The following INSL6 variants were observed in gnomAD, a reference collection of about 807,000 sequenced individuals.
The protein encoded by INSL6 is insulin like 6.
In INSL6, 16 loss-of-function variants were observed where a neutral mutation model predicts 9.4. The ratio of observed to expected loss-of-function variants is 1.70; its 90% confidence interval spans 1.15 to 2.59. The LOEUF (loss-of-function observed/expected upper bound fraction) is 2.59, where lower values mean the gene tolerates loss of function less well. Ranked by LOEUF, INSL6 falls within the 30% of genes most tolerant of loss-of-function variation. The probability of loss-of-function intolerance (pLI) is 0.00; values close to 1 mark genes in which losing one functional copy is unlikely to be tolerated. For missense variants in INSL6, 391 were observed against 257.3 expected, an observed-to-expected ratio of 1.52 and a Z score of -3.56; for synonymous variants, 154 against 96.9, an observed-to-expected ratio of 1.59 and a Z score of -3.46.
chr9:5,041,967 T>C, the INSL6 span: 1 of 373,042 alleles, frequency 2.7e-6, no homozygotes, highest in East Asian at 7.0e-5. Context: ...GTGCGGCCCC[T>C]TGGGGAGCGA....
chr9:5,011,377 A>T, the INSL6 span, among the ~76,000 whole-genome samples: 4 of 151,952 alleles, frequency 2.6e-5, no homozygotes, highest in Non-Finnish European at 5.9e-5. Context: ...TTTTGTAGAG[A>T]TGGGGTCTTG....
At chr9:5,075,892 A>T in the INSL6 span, among the ~76,000 whole-genome samples, 1 of 152,222 alleles carries the variant, frequency 6.6e-6, no homozygotes, top group Non-Finnish European at 1.5e-5. Context: ...TCTAGATGCC[A>T]GGAATAGCAT....
chr9:4,994,730 G>A, the INSL6 span, among the ~76,000 whole-genome samples: 4 of 152,216 alleles, frequency 2.6e-5, no homozygotes, highest in Middle Eastern at 6.8e-3. Context: ...TGTGTGAACT[G>A]TGCTCTGCCA....
chr9:5,035,586 A>T, the INSL6 span, among the ~76,000 whole-genome samples: 38,088 of 152,190 alleles, frequency 0.25, 5,039 homozygotes, highest in South Asian at 0.31. Context: ...AACATATGCA[A>T]ATCAATAAAC....
At chr9:5,108,277 T>A in the INSL6 span, 1 of 152,136 alleles carries the variant, frequency 6.6e-6, no homozygotes, top group East Asian at 1.9e-4. Flanking sequence ...ATATTTTATA[T>A]TTTCTTTGAA....
chr9:5,048,409 G>T, the INSL6 span, among the ~76,000 whole-genome samples: 5 of 152,100 alleles, frequency 3.3e-5, no homozygotes, highest in Admixed American at 3.3e-4. Context: ...CTAAAGTGCT[G>T]GGATTACAGG....
At chr9:5,068,549 A>G in the INSL6 span, among the ~76,000 whole-genome samples, 1 of 152,210 alleles carries the variant, frequency 6.6e-6, no homozygotes, top group Non-Finnish European at 1.5e-5. Context: ...ATTCTTAGGT[A>G]GAAAGATAGC....
At chr9:5,133,297 A>G (rs1019463041) in intron 3 of INSL6, 2 of 152,120 alleles carry the variant, frequency 1.3e-5, no homozygotes, top group African/African-American at 2.4e-5. Context: ...TCAAACCAGC[A>G]CTACCTCAGA....
chr9:5,152,644 T>A (rs1824733302), intron 2 of INSL6, among the ~76,000 whole-genome samples: 1 of 152,098 alleles, frequency 6.6e-6, no homozygotes, highest in Non-Finnish European at 1.5e-5. Flanking sequence ...ATTAACTTGA[T>A]AATCAGGAGG....
At chr9:5,120,978 G>T (rs1004760595), downstream of INSL6, among the ~76,000 whole-genome samples, 8 of 152,172 alleles carry the variant, frequency 5.3e-5, no homozygotes, top group African/African-American at 1.9e-4. Flanking sequence ...AAAGGTCAAA[G>T]ATATGGTTAT....
chr9:5,113,306 T>G, the INSL6 span, among the ~76,000 whole-genome samples: 11 of 142,290 alleles, frequency 7.7e-5, no homozygotes, highest in South Asian at 2.5e-3. Context: ...TGTGGAGAAA[T>G]CGTAACATAT....
the INSL6 span, among the ~76,000 whole-genome samples, chr9:5,003,852 G>T: frequency 1.0e-5 from 1 of 96,716 alleles, no homozygotes; most frequent in East Asian, 2.9e-4. Flanking sequence ...CCCTTTATCA[G>T]AGTGAGGAAG....
the INSL6 span, among the ~76,000 whole-genome samples, chr9:5,078,953 A>G: frequency 6.6e-6 from 1 of 152,212 alleles, no homozygotes; most frequent in African/African-American, 2.4e-5. Flanking sequence ...TCAGTCAGAT[A>G]GTTGAGAGGG....
intron 1 of INSL6, among the ~76,000 whole-genome samples, chr9:5,170,461 A>T (rs1825154735): frequency 1.3e-5 from 2 of 152,086 alleles, no homozygotes; most frequent in South Asian, 4.2e-4. Flanking sequence ...GAGCAAACAA[A>T]CCCCAAAACT....
the INSL6 span, among the ~76,000 whole-genome samples, chr9:5,017,817 T>C: frequency 6.6e-6 from 1 of 152,226 alleles, no homozygotes; most frequent in Non-Finnish European, 1.5e-5. Context: ...TGTTGTTGTT[T>C]TGATACATTA....
At chr9:5,093,340 C>T in the INSL6 span, among the ~76,000 whole-genome samples, 1 of 152,150 alleles carries the variant, frequency 6.6e-6, no homozygotes, top group Non-Finnish European at 1.5e-5. Context: ...TGCCCAGTGA[C>T]ATATGTTCAA....
chr9:5,146,843 G>A (rs1176461371), intron 2 of INSL6, among the ~76,000 whole-genome samples: 1 of 152,166 alleles, frequency 6.6e-6, no homozygotes, highest in African/African-American at 2.4e-5. Flanking sequence ...CCTCATTGGA[G>A]CTTTCCACCA....
At chr9:5,133,270 G>A (rs1824325717) in intron 3 of INSL6, among the ~76,000 whole-genome samples, 1 of 152,038 alleles carries the variant, frequency 6.6e-6, no homozygotes, top group African/African-American at 2.4e-5. Flanking sequence ...TTTAGAGTGT[G>A]CTCATATAGA....
At chr9:5,073,854 G>T in the INSL6 span, 1 of 1,036,188 alleles carries the variant, frequency 9.7e-7, no homozygotes, top group South Asian at 1.4e-5. Context: ...AGAAAATTCA[G>T]TTTCAGGATC....
Sources: allele counts gnomAD v4.1 joint callset (sites outside exome capture counted in the v4.1 genomes callset), GRCh38; gene constraint gnomAD v4.1.1; transcripts MANE v1.5; gene names NCBI Gene and HGNC (gene_info 2026-07-23, HGNC 2026-07-21).